The following PTPRD variants were observed in gnomAD, a reference collection of about 807,000 sequenced individuals.
PTPRD encodes the protein receptor-type tyrosine-protein phosphatase delta.
In PTPRD, 34 loss-of-function variants were observed where a neutral mutation model predicts 214.5. The ratio of observed to expected loss-of-function variants is 0.16; its 90% CI spans 0.12 to 0.21. PTPRD has a LOEUF of 0.21. Among genes scored for constraint, PTPRD ranks in the 10% least tolerant of loss-of-function variants. The pLI, the probability that PTPRD is intolerant of heterozygous loss-of-function variation, is 1.00. For missense variants in PTPRD, 2,545 were observed against 2,398.7 expected (o/e 1.06, Z -1.27); for synonymous variants, 1,128 against 845.7 (o/e 1.33, Z -5.79).
At chr9:9,899,542 T>C (rs1349564838) in intron 5 of PTPRD, among the ~76,000 whole-genome samples, 2 of 151,848 alleles carry the variant, frequency 1.3e-5, no homozygotes, top group African/African-American at 4.8e-5. Flanking sequence ...ATCAAAAAGA[T>C]GAAAGATAAC....
At chr9:8,844,787 G>A (rs976655177) in intron 11 of PTPRD, among the ~76,000 whole-genome samples, 1 of 152,212 alleles carries the variant, frequency 6.6e-6, no homozygotes, top group African/African-American at 2.4e-5. Context: ...GTGGAGCAAA[G>A]TGAAGTGTGG....
At chr9:9,195,465 G>A (rs764630026) in intron 9 of PTPRD, among the ~76,000 whole-genome samples, 1 of 152,058 alleles carries the variant, frequency 6.6e-6, no homozygotes, top group Non-Finnish European at 1.5e-5. Context: ...AAGCCAATGG[G>A]AAGACATTTG....
intron 3 of PTPRD, among the ~76,000 whole-genome samples, chr9:10,154,476 A>T (rs2099081382): frequency 6.6e-6 from 1 of 152,116 alleles, no homozygotes; most frequent in Admixed American, 6.6e-5. Flanking sequence ...ATTAGCTCTC[A>T]TTTGTCAATT....
intron 11 of PTPRD, among the ~76,000 whole-genome samples, chr9:8,950,474 G>GA (rs538668550): frequency 0.049 from 6,133 of 124,606 alleles, 351 homozygotes; most frequent in African/African-American, 0.15. Context: ...GTCACCTTCT[G>GA]AAAAAAAAAA....
rs1273402167 is a variant in PTPRD at position 8,528,662 on chromosome 9, A to G, written c.470T>C (p.Ile157Thr). 1 of 1,613,706 alleles carries G rather than the reference A, an allele frequency of 6.2e-7. No individual in the cohort carries two copies. Among genetic ancestry groups the G allele is most frequent in the Admixed American group, 1.7e-5 (1 of 59,962 alleles). The change falls in exon 15 of 46, where the codon ATC (isoleucine) becomes ACC (threonine). Residue 157 changes from isoleucine (I) to threonine (T), a missense_variant. Ile to Thr is a moderately conservative substitution (Grantham distance 89). Transcript: ENST00000381196. Reference sequence around the variant, plus strand: ...AGGTAAGAAATCTTTAAACCAAGTGATTTCTGGATCCGGATTACCACTGGC... The same window carrying G: ...AGGTAAGAAATCTTTAAACCAAGTGGTTTCTGGATCCGGATTACCACTGGC... ...CAASGNPDPE[I>T]TWFKDFLPVD...
At chr9:10,086,040 A>G (rs984592546) in intron 3 of PTPRD, among the ~76,000 whole-genome samples, 12 of 151,866 alleles carry the variant, frequency 7.9e-5, no homozygotes, top group Non-Finnish European at 1.6e-4. Flanking sequence ...TTCAATATAT[A>G]GAAATTAGTT....
intron 30 of PTPRD, among the ~76,000 whole-genome samples, chr9:8,472,781 T>A (rs922552883): frequency 6.6e-6 from 1 of 152,316 alleles, no homozygotes; most frequent in Non-Finnish European, 1.5e-5. Context: ...ACTTAAAATG[T>A]CACATGTGAC....
At chr9:8,358,835 T>G (rs1331647797) in intron 39 of PTPRD, among the ~76,000 whole-genome samples, 1 of 151,900 alleles carries the variant, frequency 6.6e-6, no homozygotes, top group Non-Finnish European at 1.5e-5. Context: ...AATATAAAAT[T>G]GAATCAGATT....
intron 4 of PTPRD, among the ~76,000 whole-genome samples, chr9:9,941,743 A>C (rs1287905485): frequency 6.6e-6 from 1 of 152,104 alleles, no homozygotes; most frequent in African/African-American, 2.4e-5. Context: ...GAGTAGAACA[A>C]CTCTGAAGAA....
intron 13 of PTPRD, among the ~76,000 whole-genome samples, chr9:8,633,782 G>C (rs2096336211): frequency 6.6e-6 from 1 of 151,988 alleles, no homozygotes; most frequent in Non-Finnish European, 1.5e-5. Flanking sequence ...GAGGCTTGCA[G>C]CTATAATGGA....
At chr9:8,915,166 AAAC>A (rs1306077262) in intron 11 of PTPRD, among the ~76,000 whole-genome samples, 1 of 152,194 alleles carries the variant, frequency 6.6e-6, no homozygotes, top group East Asian at 1.9e-4. Flanking sequence ...TTTATCCTAA[AAAC>A]AATAGAAAGC....
intron 4 of PTPRD, among the ~76,000 whole-genome samples, chr9:9,995,778 T>G (rs1267072161): frequency 1.3e-5 from 2 of 152,328 alleles, no homozygotes; most frequent in Non-Finnish European, 2.9e-5. Flanking sequence ...TTGCTATTTA[T>G]TTGATACTTT....
At position 9,299,767 on chromosome 9, in the gene PTPRD, G is replaced by C. The variant is rs1406832231; in HGVS notation, c.-203+97682C>G. On this transcript the variant is annotated intron_variant, in intron 9 of 45. Coordinates refer to ENST00000381196, the MANE Select transcript of PTPRD (RefSeq NM_002839.4). ...AAATGGATAGAATAGACACATATGTGGGATGAGGGAAAAGACACGCATGTG... is the reference window on the plus strand; with the variant it reads ...AAATGGATAGAATAGACACATATGTCGGATGAGGGAAAAGACACGCATGTG... Among the ~76,000 whole-genome samples the C allele has an allele frequency of 3.3e-5, 5 of 151,278 alleles. No homozygotes were observed. The South Asian group carries it at 8.3e-4, about 25-fold the overall frequency.
intron 5 of PTPRD, among the ~76,000 whole-genome samples, chr9:9,812,747 G>T (rs775784461): frequency 6.6e-6 from 1 of 152,016 alleles, no homozygotes; most frequent in Non-Finnish European, 1.5e-5. Flanking sequence ...AATCAATAAG[G>T]AAACAGCAGA....
chr9:9,396,487 C>A (rs1281354230), intron 9 of PTPRD, among the ~76,000 whole-genome samples: 1 of 151,868 alleles, frequency 6.6e-6, no homozygotes, highest in Non-Finnish European at 1.5e-5. Context: ...TTTTTTCCAA[C>A]ATTTGCTTTT....
At chr9:9,767,519 C>T (rs1298849939) in intron 5 of PTPRD, among the ~76,000 whole-genome samples, 1 of 151,918 alleles carries the variant, frequency 6.6e-6, no homozygotes, top group Non-Finnish European at 1.5e-5. Context: ...TGTCACATTT[C>T]TAAATATGTT....
chr9:10,383,530 A>C (rs2097858418), intron 2 of PTPRD, among the ~76,000 whole-genome samples: 1 of 151,834 alleles, frequency 6.6e-6, no homozygotes, highest in South Asian at 2.1e-4. Flanking sequence ...TTTGGAAGAC[A>C]ATTCAGTTGA....
intron 14 of PTPRD, among the ~76,000 whole-genome samples, chr9:8,597,734 T>C (rs965086240): frequency 6.6e-6 from 1 of 152,172 alleles, no homozygotes; most frequent in Non-Finnish European, 1.5e-5. Context: ...GAGCCCTAGA[T>C]GTAACTTATA....
At chr9:8,855,490 C>A (rs753455572) in intron 11 of PTPRD, among the ~76,000 whole-genome samples, 23 of 152,106 alleles carry the variant, frequency 1.5e-4, no homozygotes, top group Non-Finnish European at 3.4e-4. Context: ...TTTAATTCAT[C>A]CACCTTTTTA....
Sources: gnomAD v4.1 joint callset for allele counts (sites outside exome capture counted in the v4.1 genomes callset) on GRCh38, gnomAD v4.1.1 for gene constraint, MANE v1.5 for transcripts, NCBI Gene and HGNC (gene_info 2026-07-23, HGNC 2026-07-21) for gene names.